GIMAP8: variants seen among roughly 807,000 people sequenced by gnomAD.
The protein encoded by GIMAP8 is GTPase, IMAP family member 8.
A neutral mutation model predicts 35.6 loss-of-function variants in GIMAP8; 29 were observed. That is an observed-to-expected ratio of 0.81 (90% CI 0.61 to 1.11). GIMAP8 has a LOEUF of 1.11. GIMAP8 is among the 50% of genes most tolerant of loss of function. The probability of loss-of-function intolerance (pLI) is 0.00; values close to 1 mark genes in which losing one functional copy is unlikely to be tolerated. For missense variants in GIMAP8, 811 were observed against 805.0 expected (o/e 1.01, Z -0.09); for synonymous variants, 335 against 308.7 (o/e 1.09, Z -0.89).
At position 150,474,325 on chromosome 7, in the gene GIMAP8, A is replaced by C. The variant is rs776713904; in HGVS notation, c.996A>C (p.Pro332=). Residue 332 remains proline, a synonymous_variant, in exon 4 of 5, where the codon CCA becomes CCC. Transcript: ENST00000307271. ...TGPHAFLLVT[P]LGFYTKNDEA... ...CCCATGCCTTCCTGCTGGTGACACC[A>C]CTGGGCTTTTACACTAAGAATGATG... is the stretch of plus-strand genomic sequence containing the variant. The C allele has an allele frequency of 1.9e-6, 3 of 1,614,188 alleles. No homozygotes were observed. The highest frequency in any genetic ancestry group is 2.5e-6 in the Non-Finnish European group (3 of 1,180,002).
At position 150,466,874 on chromosome 7, in the gene GIMAP8, G is replaced by T; in HGVS notation, c.176G>T (p.Arg59Met). 6.2e-7 allele frequency: 1 copy of T among 1,614,260 alleles called. No individual in the cohort carries two copies. Among genetic ancestry groups the T allele is most frequent in the Non-Finnish European group, 8.5e-7 (1 of 1,180,046 alleles). ...CQRESWVLRERKVVVIDTPDL... is the reference protein window; with the variant it reads ...CQRESWVLREMKVVVIDTPDL... ...AGAGAGAGTTGGGTCCTGAGAGAAA[G>T]GAAGGTTGTGGTAATTGACACCCCT... is the stretch of plus-strand genomic sequence containing the variant. The change falls in exon 2 of 5, where the codon AGG becomes ATG. Residue 59 changes from arginine to methionine, a missense_variant. Physicochemically the swap from Arg to Met is moderately conservative, Grantham distance 91 (BLOSUM62 -1). Transcript: ENST00000307271.
rs1802278472 is a variant in GIMAP8 at position 150,477,953 on chromosome 7, GT to G, written c.*174del. ...CTATTTGTAGATAAATAAATTGCAG[GT>G]GGGGGCGAATAGTAGGGTATTATAA... On this transcript the variant is annotated 3_prime_UTR_variant, in exon 5 of 5. Transcript: ENST00000307271. The G allele has an allele frequency of 1.7e-6, 1 of 595,368 alleles. No homozygotes were observed. The highest frequency in any genetic ancestry group is 3.0e-6 in the Non-Finnish European group (1 of 336,480). The allele number at this position is 595,368 out of a possible 1,614,324, so 36.9% of individuals were successfully genotyped here. A position where few individuals can be genotyped will look rare whatever the true frequency, so the allele number is the denominator to read the frequency against.
intron 2 of GIMAP8, among the ~76,000 whole-genome samples, chr7:150,467,655 C>T (rs1801999020): frequency 6.6e-6 from 1 of 152,144 alleles, no homozygotes; most frequent in Admixed American, 6.5e-5. Flanking sequence ...TCTCCTTGTT[C>T]ATTTGTTTTA....
In GIMAP8 at chr7:150,451,284, GTGTGTAGA is replaced by G. The variant is rs1413404676; in HGVS notation, c.-29+115_-29+122del. The G allele has an allele frequency of 6.6e-6, 1 of 152,334 alleles. No individual in the cohort carries two copies. Among genetic ancestry groups the G allele is most frequent in the Non-Finnish European group, 1.5e-5 (1 of 68,124 alleles). The allele number at this position is 152,334 out of a possible 1,614,324, so 9.4% of individuals were successfully genotyped here. ...CAGTGCATGTGTGACATGTGCACTC[GTGTGTAGA>G]TGTGTGTGCACTGGTGCATGGCTGT... On this transcript the variant is annotated intron_variant, in intron 1 of 4. Coordinates refer to ENST00000307271, the MANE Select transcript of GIMAP8 (RefSeq NM_175571.4). This position sits in a 1 kb window ranked among gnomAD's most constrained non-coding sequence, Gnocchi z 4.1.
chr7:150,473,251 T>G (rs1802135233), intron 3 of GIMAP8, among the ~76,000 whole-genome samples: 1 of 152,100 alleles, frequency 6.6e-6, no homozygotes, highest in Non-Finnish European at 1.5e-5. Context: ...AGTTGTAGGG[T>G]GCAGGTTTGC....
Position 150,466,720 on chromosome 7 carries a change from A to G in GIMAP8, c.22A>G (p.Met8Val). Residue 8 changes from methionine to valine, a missense_variant, in exon 2 of 5, where the codon ATG becomes GTG. Met to Val is a conservative substitution (Grantham distance 21, BLOSUM62 1). Transcript: ENST00000307271. MSEQSCQ[M>V]SELRLLLLGK... is the part of the protein sequence containing the mutation. ...AAGCATGTCAGAGCAGAGCTGCCAGATGTCCGAACTGCGGCTCCTCCTCCT... is the reference window on the plus strand; with the variant it reads ...AAGCATGTCAGAGCAGAGCTGCCAGGTGTCCGAACTGCGGCTCCTCCTCCT... 3 of 1,614,174 alleles carry G rather than the reference A, an allele frequency of 1.9e-6. No individual in the cohort carries two copies. The highest frequency in any genetic ancestry group is 2.5e-6 in the Non-Finnish European group (3 of 1,180,040).
chr7:150,458,982 C>T (rs1350932223), intron 1 of GIMAP8, among the ~76,000 whole-genome samples: 1 of 152,186 alleles, frequency 6.6e-6, no homozygotes, highest in East Asian at 1.9e-4. Context: ...ATAACTACCT[C>T]CTTTTACCAC....
chr7:150,470,330 G>C (rs888996227), intron 2 of GIMAP8, among the ~76,000 whole-genome samples: 11 of 152,142 alleles, frequency 7.2e-5, no homozygotes, highest in African/African-American at 1.9e-4. Flanking sequence ...AGACTAGCAG[G>C]TTCATCAAGA....
intron 3 of GIMAP8, 149 bp from the exon 4 acceptor site, chr7:150,473,863 A>G: frequency 1.3e-6 from 1 of 762,758 alleles, no homozygotes; most frequent in Non-Finnish European, 2.1e-6. Flanking sequence ...ACCTTGATGG[A>G]GAGCTTCTGG....
At chr7:150,460,577 T>C (rs963812382) in intron 1 of GIMAP8, among the ~76,000 whole-genome samples, 7 of 152,206 alleles carry the variant, frequency 4.6e-5, no homozygotes, top group Non-Finnish European at 8.8e-5. Context: ...TGTCCCAGAT[T>C]GGTGCTATAG....
At position 150,474,017 on chromosome 7, in the gene GIMAP8, A is replaced by G. The variant is rs1346362211; in HGVS notation, c.688A>G (p.Arg230Gly). Residue 230 changes from arginine (R) to glycine (G), a missense_variant, in exon 4 of 5, where the codon AGG becomes GGG. Arg to Gly is a moderately radical substitution (Grantham distance 125). Transcript: ENST00000307271. ...SQEGDKPQGP[R>G]ERQLQSTGPE... ...CCTGTCCATTTGTCCCACAGGCCCA[A>G]GGGAAAGGCAGCTGCAGTCCACAGG... 3 of 1,611,542 alleles carry G rather than the reference A, an allele frequency of 1.9e-6. No homozygotes were observed. Among genetic ancestry groups the G allele is most frequent in the Non-Finnish European group, 2.5e-6 (3 of 1,178,764 alleles).
At chr7:150,467,833 C>T (rs1802004738) in intron 2 of GIMAP8, among the ~76,000 whole-genome samples, 3 of 152,172 alleles carry the variant, frequency 2.0e-5, no homozygotes, top group African/African-American at 2.4e-5. Context: ...CTACTACTAA[C>T]GGTTTTCAAA....
At chr7:150,461,114 T>C (rs1209534470) in intron 1 of GIMAP8, among the ~76,000 whole-genome samples, 3 of 152,274 alleles carry the variant, frequency 2.0e-5, no homozygotes, top group African/African-American at 7.2e-5. Flanking sequence ...ATAAATTATA[T>C]GCTCAAACCA....
At chr7:150,458,952 C>A (rs1394113098) in intron 1 of GIMAP8, among the ~76,000 whole-genome samples, 1 of 152,328 alleles carries the variant, frequency 6.6e-6, no homozygotes, top group East Asian at 1.9e-4. Flanking sequence ...TAACTAGTCA[C>A]GTGGTCATAA....
Position 150,466,759 on chromosome 7 carries a change from T to C in GIMAP8, c.61T>C (p.Ser21Pro). Residue 21 changes from serine to proline, a missense_variant, in exon 2 of 5, where the codon TCG (serine) becomes CCG (proline). Transcript: ENST00000307271. ...LRLLLLGKCR[S>P]GKSATGNAIL... ...GCTCCTCCTCCTGGGAAAATGCCGC[T>C]CGGGAAAAAGTGCCACAGGAAATGC... 1 of 1,614,110 alleles carries C rather than the reference T, an allele frequency of 6.2e-7. No homozygotes were observed. Among genetic ancestry groups the C allele is most frequent in the Non-Finnish European group, 8.5e-7 (1 of 1,179,994 alleles).
intron 1 of GIMAP8, among the ~76,000 whole-genome samples, chr7:150,464,765 C>T (rs1801917501): frequency 6.6e-6 from 1 of 152,200 alleles, no homozygotes; most frequent in Non-Finnish European, 1.5e-5. Context: ...GATGGAGCCA[C>T]AGATGGAGCC....
chr7:150,474,736 T>G (rs577888139), intron 4 of GIMAP8, 98 bp downstream of exon 4: 5 of 807,064 alleles, frequency 6.2e-6, no homozygotes, highest in Non-Finnish European at 7.1e-6. Context: ...TCTTTTTTTT[T>G]ATTATACTTT....
Position 150,467,294 on chromosome 7 carries a change from C to T in GIMAP8, c.596C>T (p.Pro199Leu). The T allele has an allele frequency of 6.2e-7, 1 of 1,613,678 alleles. No homozygotes were observed. Among genetic ancestry groups the T allele is most frequent in the East Asian group, 2.2e-5 (1 of 44,888 alleles). ...VESLVNTNGGPYHVNFKTEGS... is the reference protein window; with the variant it reads ...VESLVNTNGGLYHVNFKTEGS... Reference sequence around the variant, plus strand: ...TCTTTGGTGAATACGAACGGAGGACCCTATCATGTGAACTTCAAAACTGAA... The same window carrying T: ...TCTTTGGTGAATACGAACGGAGGACTCTATCATGTGAACTTCAAAACTGAA... Residue 199 changes from proline to leucine, a missense_variant, in exon 2 of 5, where the codon CCC (proline) becomes CTC (leucine). Transcript: ENST00000307271.
rs1185606527 is a variant in GIMAP8, at chr7:150,451,654, C to T, written c.-29+479C>T. Among the ~76,000 whole-genome samples, 3 of 152,124 alleles carry T rather than the reference C, an allele frequency of 2.0e-5. No individual in the cohort carries two copies. The highest frequency in any genetic ancestry group is 6.5e-5 in the Admixed American group (1 of 15,284). ...GATGCCCCATGAAGCTAGATGGTGC[C>T]GCAGAGCAGCCCCCAGGAGGAAGCC... On this transcript the variant is annotated intron_variant, in intron 1 of 4. Coordinates refer to ENST00000307271, the MANE Select transcript of GIMAP8 (RefSeq NM_175571.4). The surrounding 1 kb of genome is among the most constrained non-coding windows in gnomAD (Gnocchi z 4.1).
Sources: allele counts gnomAD v4.1 joint callset (sites outside exome capture counted in the v4.1 genomes callset), GRCh38; gene constraint gnomAD v4.1.1; non-coding constraint Gnocchi (gnomAD v3.1); transcripts MANE v1.5; gene names NCBI Gene and HGNC (gene_info 2026-07-23, HGNC 2026-07-21).